LDB2: variants seen among roughly 807,000 people sequenced by gnomAD.
LDB2 encodes the protein LIM domain binding 2.
In LDB2, 12 loss-of-function variants were observed where a neutral mutation model predicts 44.3. The ratio of observed to expected loss-of-function variants is 0.27; its 90% CI spans 0.17 to 0.44. The LOEUF is 0.44. Ranked by LOEUF, LDB2 falls within the 20% of genes least tolerant of loss-of-function variation. The pLI is 1.00. For synonymous variants in LDB2, 164 were observed against 174.8 expected (o/e 0.94, Z 0.49); for missense variants, 344 against 473.5 (o/e 0.73, Z 2.54).
At chr4:16,729,631 CTCT>C (rs1760310582) in intron 2 of LDB2, among the ~76,000 whole-genome samples, 2 of 152,120 alleles carry the variant, frequency 1.3e-5, no homozygotes, top group Admixed American at 6.5e-5. Context: ...GCTCACTGGC[CTCT>C]TCCTATTATA....
At chr4:16,615,644 A>G (rs1727087844) in intron 2 of LDB2, among the ~76,000 whole-genome samples, 1 of 152,204 alleles carries the variant, frequency 6.6e-6, no homozygotes, top group Non-Finnish European at 1.5e-5. Flanking sequence ...AGGATGGATC[A>G]ATAGGTGCAG....
intron 5 of LDB2, among the ~76,000 whole-genome samples, chr4:16,519,359 T>C (rs1725078120): frequency 6.6e-6 from 1 of 151,944 alleles, no homozygotes; most frequent in Admixed American, 6.5e-5. Flanking sequence ...TCCTACAGTG[T>C]ATCCAAGGCA....
intron 2 of LDB2, among the ~76,000 whole-genome samples, chr4:16,711,576 C>T (rs915844659): frequency 2.0e-5 from 3 of 152,112 alleles, no homozygotes; most frequent in Non-Finnish European, 4.4e-5. Context: ...AACAAGGTCT[C>T]CCTGGATGCT....
chr4:16,681,338 A>G (rs560640096), intron 2 of LDB2, among the ~76,000 whole-genome samples: 79 of 152,330 alleles, frequency 5.2e-4, no homozygotes, highest in African/African-American at 1.8e-3. Context: ...AACCATAGGA[A>G]ATTGAATTCT....
chr4:16,534,338 T>A (rs1297701999), intron 5 of LDB2, among the ~76,000 whole-genome samples: 1 of 152,216 alleles, frequency 6.6e-6, no homozygotes, highest in Non-Finnish European at 1.5e-5. Flanking sequence ...ATGAACAAGA[T>A]GGCTTAGTAG....
chr4:16,758,148 T>C (rs537824974), intron 2 of LDB2, among the ~76,000 whole-genome samples: 1 of 152,236 alleles, frequency 6.6e-6, no homozygotes, highest in East Asian at 1.9e-4. Flanking sequence ...GCTAATAGTA[T>C]GCAAATAGCA....
At chr4:16,606,881 C>A (rs1724095836) in intron 2 of LDB2, among the ~76,000 whole-genome samples, 1 of 152,190 alleles carries the variant, frequency 6.6e-6, no homozygotes, top group South Asian at 2.1e-4. Flanking sequence ...TTAATATCAA[C>A]ACGATTCATC....
intron 2 of LDB2, among the ~76,000 whole-genome samples, chr4:16,754,310 T>A (rs563280692): frequency 1.4e-4 from 22 of 152,310 alleles, no homozygotes; most frequent in Admixed American, 3.9e-4. Flanking sequence ...TCATATGGAC[T>A]CCCACCTGGC....
At chr4:16,880,765 G>A (rs1256207452) in intron 1 of LDB2, among the ~76,000 whole-genome samples, 3 of 151,970 alleles carry the variant, frequency 2.0e-5, no homozygotes, top group African/African-American at 7.3e-5. Context: ...TTAGCCGAGT[G>A]TGGTGGCGGG....
Position 16,573,137 on chromosome 4 carries a change from T to C in LDB2, c.615+12785A>G, listed in dbSNP as rs1747173734. 2.0e-5 allele frequency among the ~76,000 whole-genome samples: 3 copies of C among 152,180 alleles called. No individual in the cohort carries two copies. In the South Asian group the frequency reaches 6.2e-4, roughly 32 times the overall value. On this transcript the variant is annotated intron_variant, in intron 5 of 7. Transcript: ENST00000304523. ...GGGATCGGCTTTGTGGCCTTAGGCA[T>C]TGATGGATTTGTATGTGTAAAAATG...
intron 1 of LDB2, among the ~76,000 whole-genome samples, chr4:16,847,417 T>A (rs1787251131): frequency 6.6e-6 from 1 of 152,236 alleles, no homozygotes; most frequent in African/African-American, 2.4e-5. Context: ...ACTCTTATTT[T>A]GTGACACCTC....
chr4:16,640,310 C>T (rs1442040601), intron 2 of LDB2, among the ~76,000 whole-genome samples: 1 of 152,110 alleles, frequency 6.6e-6, no homozygotes, highest in East Asian at 1.9e-4. Context: ...TAATAGAGAA[C>T]TGTAATATAA....
intron 2 of LDB2, among the ~76,000 whole-genome samples, chr4:16,681,551 A>G (rs774446098): frequency 1.3e-5 from 2 of 151,998 alleles, no homozygotes; most frequent in Non-Finnish European, 1.5e-5. Context: ...AATTTGTTAC[A>G]TAGCAATAAG....
rs190679750 is a variant in LDB2, at chr4:16,887,514, C to T, written c.132+10840G>A. Among the ~76,000 whole-genome samples, 657 of 151,768 alleles carry T rather than the reference C, an allele frequency of 4.3e-3. 2 individuals are homozygous for T. Among genetic ancestry groups the T allele is most frequent in the African/African-American group, 0.015 (619 of 41,194 alleles). On this transcript the variant is annotated intron_variant, in intron 1 of 7. Transcript: ENST00000304523. Reference sequence around the variant, plus strand: ...CCAACTACATGGTAATCATGTTAAACTTGTAAGGTCTAAAAAAGGTTGTTT... The same window carrying T: ...CCAACTACATGGTAATCATGTTAAATTTGTAAGGTCTAAAAAAGGTTGTTT...
intron 5 of LDB2, among the ~76,000 whole-genome samples, chr4:16,544,865 G>A (rs1220141472): frequency 2.0e-5 from 3 of 152,118 alleles, no homozygotes; most frequent in African/African-American, 7.2e-5. Context: ...ATAAATGAAG[G>A]AGTTGTCAGC....
chr4:16,659,822 C>T (rs1202756110), intron 2 of LDB2, among the ~76,000 whole-genome samples: 2 of 151,994 alleles, frequency 1.3e-5, no homozygotes, highest in African/African-American at 4.8e-5. Flanking sequence ...CTCTGGAAAT[C>T]ACATTTGACT....
intron 2 of LDB2, among the ~76,000 whole-genome samples, chr4:16,691,235 C>A (rs1282573855): frequency 6.6e-6 from 1 of 152,026 alleles, no homozygotes; most frequent in African/African-American, 2.4e-5. Context: ...GACTATGCTA[C>A]CTCTTTTATG....
intron 1 of LDB2, among the ~76,000 whole-genome samples, chr4:16,776,399 GACA>G (rs1771910321): frequency 1.3e-5 from 2 of 152,334 alleles, no homozygotes; most frequent in African/African-American, 4.8e-5. Context: ...CTAAAGTGGA[GACA>G]ACATCACAAC....
At chr4:16,595,051 A>T (rs1390804912) in intron 3 of LDB2, among the ~76,000 whole-genome samples, 1 of 152,198 alleles carries the variant, frequency 6.6e-6, no homozygotes, top group African/African-American at 2.4e-5. Flanking sequence ...ATAGATCTAA[A>T]ATGTATAGAA....
Sources: allele counts gnomAD v4.1 joint callset (sites outside exome capture counted in the v4.1 genomes callset), GRCh38; gene constraint gnomAD v4.1.1; transcripts MANE v1.5; gene names NCBI Gene and HGNC (gene_info 2026-07-23, HGNC 2026-07-21).